Variants in ATE1 observed in about 807,000 individuals in gnomAD.
The protein encoded by ATE1 is arginyl-tRNA--protein transferase 1.
ATE1 carries 36 observed loss-of-function variants against 70.5 expected under a neutral mutation model. The observed-to-expected ratio is 0.51, with a 90% CI of 0.39 to 0.67. The LOEUF (loss-of-function observed/expected upper bound fraction) is 0.67, where lower values mean the gene tolerates loss of function less well. Ranked by LOEUF, ATE1 falls within the 30% of genes least tolerant of loss-of-function variation. The probability of loss-of-function intolerance (pLI) is 0.00; values close to 1 mark genes in which losing one functional copy is unlikely to be tolerated. For synonymous variants in ATE1, 232 were observed against 219.3 expected (o/e 1.06, Z -0.51); for missense variants, 593 against 629.5 (o/e 0.94, Z 0.62).
rs72834380 is a variant in ATE1 at position 121,741,316 on chromosome 10, A to G, written c.*2364T>C. 0.019 allele frequency: 2,907 copies of G among 152,322 alleles called. 38 individuals carry two copies. Among genetic ancestry groups the G allele is most frequent in the Non-Finnish European group, 0.03 (2,028 of 68,036 alleles). 9.4% of individuals were successfully genotyped at this position (152,322 alleles called of 1,614,324 possible). A position where few individuals can be genotyped will look rare whatever the true frequency, so the allele number is the denominator to read the frequency against. Reference sequence around the variant, plus strand: ...AGACACTTTGACTACTTGGATCAATACACTAGCTATTCTCAAACCAACATA... The same window carrying G: ...AGACACTTTGACTACTTGGATCAATGCACTAGCTATTCTCAAACCAACATA... On this transcript the variant is annotated 3_prime_UTR_variant, in exon 12 of 12. Coordinates refer to ENST00000224652, the MANE Select transcript of ATE1 (RefSeq NM_001001976.3).
intron 10 of ATE1, among the ~76,000 whole-genome samples, chr10:121,806,714 T>C (rs547778755): frequency 2.6e-5 from 4 of 152,170 alleles, no homozygotes; most frequent in Non-Finnish European, 5.9e-5. Flanking sequence ...AAACCTACTT[T>C]AAATGGTTTA....
rs546014503 is a variant in ATE1, at chr10:121,896,460, T to C, written c.942+3406A>G. The stretch of plus-strand genomic sequence containing the variant: ...GCTGATAGGTATGTCGCAGTTTAAG[T>C]ATTTCTAAAATATTATTTTTTTAAA... On this transcript the variant is annotated intron_variant, in intron 7 of 11. Transcript: ENST00000224652. Among the ~76,000 whole-genome samples, 35 of 152,286 alleles carry C rather than the reference T, an allele frequency of 2.3e-4. 1 individual carries two copies. Among genetic ancestry groups the C allele is most frequent in the African/African-American group, 8.2e-4 (34 of 41,560 alleles).
chr10:121,748,138 T>A (rs570899445), intron 11 of ATE1, among the ~76,000 whole-genome samples: 1 of 152,268 alleles, frequency 6.6e-6, no homozygotes, highest in Non-Finnish European at 1.5e-5. Context: ...TACAGAATGA[T>A]GCTTAACAGT....
intron 8 of ATE1, among the ~76,000 whole-genome samples, chr10:121,854,585 T>C (rs1294392606): frequency 6.6e-6 from 1 of 152,194 alleles, no homozygotes; most frequent in African/African-American, 2.4e-5. Context: ...ACTGTTTCTC[T>C]ATGTATTTTT....
At chr10:121,761,544 G>A (rs74636663) in intron 11 of ATE1, among the ~76,000 whole-genome samples, 1,573 of 152,238 alleles carry the variant, frequency 0.01, 11 homozygotes, top group African/African-American at 0.027. Flanking sequence ...TATGCACTGG[G>A]AAATCAAATA....
In ATE1 at chr10:121,836,820, G is replaced by A; in HGVS notation, c.1158-3C>T. ...GCTGCCTAGTAAAAGCAATTTCTCT[G>A]CGAAAAGAAAAAGAAGAAAGCTGAA... On this transcript the variant is annotated splice_region_variant and splice_polypyrimidine_tract_variant and intron_variant, in intron 9 of 11. Coordinates refer to ENST00000224652, the MANE Select transcript of ATE1 (RefSeq NM_001001976.3). 6.3e-7 allele frequency: 1 copy of A among 1,584,804 alleles called. No individual in the cohort carries two copies. Among genetic ancestry groups the A allele is most frequent in the East Asian group, 2.3e-5 (1 of 44,340 alleles).
chr10:121,888,508 G>C (rs570141396), intron 7 of ATE1, among the ~76,000 whole-genome samples: 1 of 152,284 alleles, frequency 6.6e-6, no homozygotes, highest in East Asian at 1.9e-4. Flanking sequence ...AAGGACAACC[G>C]ACATTACATG....
chr10:121,926,989 C>A lies in ATE1; in HGVS notation c.106+855G>T. ...CCGTTATCGACCAAATCATTCCCCA[C>A]TTACACCTTTTTCATGGAAAATGCC... On this transcript the variant is annotated intron_variant, in intron 1 of 11. Transcript: ENST00000224652. 3.0e-6 allele frequency: 3 copies of A among 985,454 alleles called. No homozygotes were observed. In the South Asian group the frequency reaches 1.4e-4, roughly 46 times the overall value. The allele number at this position is 985,454 out of a possible 1,614,324, so 61.0% of individuals were successfully genotyped here. A position where few individuals can be genotyped will look rare whatever the true frequency, so the allele number is the denominator to read the frequency against.
chr10:121,765,949 A>G (rs1945262125), intron 11 of ATE1, among the ~76,000 whole-genome samples: 1 of 152,226 alleles, frequency 6.6e-6, no homozygotes, highest in African/African-American at 2.4e-5. Context: ...GGTCCCTTAA[A>G]TATCAATTTC....
chr10:121,896,380 G>C (rs1950779666), intron 7 of ATE1, among the ~76,000 whole-genome samples: 1 of 152,182 alleles, frequency 6.6e-6, no homozygotes, highest in African/African-American at 2.4e-5. Context: ...CAACAAAAAA[G>C]TATGGAGAGA....
intron 5 of ATE1, among the ~76,000 whole-genome samples, chr10:121,905,901 G>A (rs905635819): frequency 1.3e-5 from 2 of 152,100 alleles, no homozygotes; most frequent in African/African-American, 2.4e-5. Context: ...AGATCTCCCA[G>A]GTCAATAAAT....
At chr10:121,827,633 C>T (rs1590407721) in intron 10 of ATE1, among the ~76,000 whole-genome samples, 1 of 152,228 alleles carries the variant, frequency 6.6e-6, no homozygotes, top group Non-Finnish European at 1.5e-5. Context: ...ACAATTATTA[C>T]AATAGCTCAT....
At chr10:121,744,141 C>T (rs111928860) in intron 11 of ATE1, among the ~76,000 whole-genome samples, 16 of 151,810 alleles carry the variant, frequency 1.1e-4, no homozygotes, top group African/African-American at 2.4e-4. Context: ...CAGGCTGTCT[C>T]GAACTCCTAA....
At chr10:121,755,899 C>T (rs1474999385) in intron 11 of ATE1, among the ~76,000 whole-genome samples, 1 of 152,182 alleles carries the variant, frequency 6.6e-6, no homozygotes, top group Non-Finnish European at 1.5e-5. Context: ...TCTGGCTTCT[C>T]CCAAATCTCG....
chr10:121,753,220 A>C (rs2135723155), intron 11 of ATE1, among the ~76,000 whole-genome samples: 1 of 152,290 alleles, frequency 6.6e-6, no homozygotes, highest in Admixed American at 6.5e-5. Flanking sequence ...TACATTCTTT[A>C]GGATTTTCTA....
intron 11 of ATE1, among the ~76,000 whole-genome samples, chr10:121,774,896 C>T (rs1286349543): frequency 1.3e-5 from 2 of 152,148 alleles, no homozygotes; most frequent in Admixed American, 6.5e-5. Context: ...CCCTGACACA[C>T]TCAAATGCAT....
intron 11 of ATE1, among the ~76,000 whole-genome samples, chr10:121,768,656 T>C (rs1341855427): frequency 6.6e-6 from 1 of 152,188 alleles, no homozygotes; most frequent in African/African-American, 2.4e-5. Flanking sequence ...AATCAGAGAT[T>C]GCCAGCTTCC....
At chr10:121,784,818 C>A (rs1009734560) in intron 11 of ATE1, among the ~76,000 whole-genome samples, 1 of 152,014 alleles carries the variant, frequency 6.6e-6, no homozygotes, top group African/African-American at 2.4e-5. Flanking sequence ...GGTATCACGC[C>A]ACTGCACTCC....
intron 7 of ATE1, among the ~76,000 whole-genome samples, chr10:121,884,705 A>G (rs1018112341): frequency 6.6e-6 from 1 of 152,214 alleles, no homozygotes; most frequent in Non-Finnish European, 1.5e-5. Flanking sequence ...GATCTCCCCA[A>G]AAAGGAACAT....
Sources: gnomAD v4.1 joint callset for allele counts (sites outside exome capture counted in the v4.1 genomes callset) on GRCh38, gnomAD v4.1.1 for gene constraint, MANE v1.5 for transcripts, NCBI Gene and HGNC (gene_info 2026-07-23, HGNC 2026-07-21) for gene names.